Variants in PPP2R3C observed in about 807,000 individuals in gnomAD.
The protein encoded by PPP2R3C is protein phosphatase 2 regulatory subunit B''gamma.
In PPP2R3C, 47 loss-of-function variants were observed where a neutral mutation model predicts 63.7. The observed-to-expected ratio is 0.74, with a 90% CI of 0.58 to 0.94. The LOEUF (loss-of-function observed/expected upper bound fraction) is 0.94. PPP2R3C is among the 40% of genes least tolerant of loss of function. The pLI is 0.00. For synonymous variants in PPP2R3C, 180 were observed against 177.4 expected (o/e 1.01, Z -0.12); for missense variants, 421 against 518.4 (o/e 0.81, Z 1.82).
chr14:35,093,151 T>G (rs1424962645), intron 10 of PPP2R3C, among the ~76,000 whole-genome samples: 1 of 152,028 alleles, frequency 6.6e-6, no homozygotes, highest in Non-Finnish European at 1.5e-5. Context: ...AGGCGGAGCT[T>G]GCAGTGAGCC....
At chr14:35,110,831 G>A (rs2046531216) in intron 2 of PPP2R3C, 5 of 507,894 alleles carry the variant, frequency 9.8e-6, no homozygotes, top group Middle Eastern at 1.0e-3. Flanking sequence ...CCCTGAAAAA[G>A]CCATTCTAAA....
chr14:35,096,820 T>A, intron 7 of PPP2R3C, 56 bp from the exon 8 acceptor site: 1 of 1,460,170 alleles, frequency 6.8e-7, no homozygotes, highest in Non-Finnish European at 9.1e-7. Flanking sequence ...AGCAACTCAA[T>A]TAATTAAAAA....
Position 35,107,324 on chromosome 14 carries a change from G to T in PPP2R3C, c.553C>A (p.Gln185Lys). 6.2e-7 allele frequency: 1 copy of T among 1,608,440 alleles called. No individual in the cohort carries two copies. The highest frequency in any genetic ancestry group is 8.5e-7 in the Non-Finnish European group (1 of 1,174,852). ...IGLSLYDVAGQGYLRESDLEN... is the reference protein window; with the variant it reads ...IGLSLYDVAGKGYLRESDLEN... ...CTTACAGATTCCCGAAGGTACCCCTGCCCAGCGACATCATATAAACTGAGT... is the reference window on the plus strand; with the variant it reads ...CTTACAGATTCCCGAAGGTACCCCTTCCCAGCGACATCATATAAACTGAGT... The change falls in exon 6 of 13, where the codon CAG (glutamine) becomes AAG (lysine). Residue 185 changes from glutamine (Q) to lysine (K), a missense_variant. By Grantham distance (53) the Gln-to-Lys change is moderately conservative. This residue lies in a region of PPP2R3C where 47 missense variants were observed against 102.3 expected (regional missense o/e 0.46). Transcript: ENST00000261475.
intron 6 of PPP2R3C, among the ~76,000 whole-genome samples, chr14:35,103,471 C>T (rs2046258050): frequency 6.6e-6 from 1 of 152,144 alleles, no homozygotes; most frequent in Non-Finnish European, 1.5e-5. Context: ...AGTCATATTC[C>T]TGCCTAGTTT....
intron 4 of PPP2R3C, among the ~76,000 whole-genome samples, chr14:35,108,611 T>C (rs2046438810): frequency 6.6e-6 from 1 of 152,038 alleles, no homozygotes; most frequent in East Asian, 1.9e-4. Context: ...CCAGCCAATA[T>C]TTGAGGCATT....
At position 35,091,103 on chromosome 14, in the gene PPP2R3C, G is replaced by A. The variant is rs761403944; in HGVS notation, c.1080C>T (p.Tyr360=). 1 of 1,606,260 alleles carries A rather than the reference G, an allele frequency of 6.2e-7. No individual in the cohort carries two copies. The highest frequency in any genetic ancestry group is 8.5e-7 in the Non-Finnish European group (1 of 1,174,850). Reference sequence around the variant, plus strand: ...AATAATTAAGTGAAAAGACATTCAGGTATCCTTTGTTCTCAATATCAAGCA... The same window carrying A: ...AATAATTAAGTGAAAAGACATTCAGATATCCTTTGTTCTCAATATCAAGCA... ...FKLLDIENKG[Y]LNVFSLNYFF... The change falls in exon 11 of 13, where the codon TAC becomes TAT. Residue 360 remains tyrosine, a synonymous_variant. Coordinates refer to ENST00000261475, the MANE Select transcript of PPP2R3C (RefSeq NM_017917.4).
At chr14:35,105,213 G>A (rs139495825) in intron 6 of PPP2R3C, among the ~76,000 whole-genome samples, 10 of 149,034 alleles carry the variant, frequency 6.7e-5, no homozygotes, top group African/African-American at 2.2e-4. Flanking sequence ...GAGACAGTCC[G>A]CTCTTGTCAC....
chr14:35,111,161 G>C (rs2046545664), intron 2 of PPP2R3C, among the ~76,000 whole-genome samples: 1 of 149,408 alleles, frequency 6.7e-6, no homozygotes, highest in Non-Finnish European at 1.5e-5. Context: ...CTTAAACCCA[G>C]GAGGCGGAGG....
At chr14:35,108,094 C>T in intron 5 of PPP2R3C, 45 bp downstream of exon 5, 1 of 1,589,480 alleles carries the variant, frequency 6.3e-7, no homozygotes. Context: ...CAAAAACCTA[C>T]TTGATTCCCA....
At chr14:35,099,474 A>T in intron 6 of PPP2R3C, 90 bp from the exon 7 acceptor site, 3 of 1,374,464 alleles carry the variant, frequency 2.2e-6, no homozygotes, top group Non-Finnish European at 2.9e-6. Context: ...CAGCATTAAT[A>T]CTATATTGAT....
intron 1 of PPP2R3C, among the ~76,000 whole-genome samples, chr14:35,120,996 G>A (rs2046866260): frequency 6.6e-6 from 1 of 152,022 alleles, no homozygotes; most frequent in South Asian, 2.1e-4. Context: ...TTTGGGAGAT[G>A]AAAATTGAAT....
chr14:35,122,229 G>A (rs2046932912), upstream of PPP2R3C: 1 of 471,200 alleles, frequency 2.1e-6, no homozygotes, highest in East Asian at 3.5e-5. Flanking sequence ...CACCAAGCCG[G>A]ATTTTAAAGG....
chr14:35,093,211 T>TAA (rs1180345280), intron 10 of PPP2R3C, among the ~76,000 whole-genome samples: 143 of 151,752 alleles, frequency 9.4e-4, no homozygotes, highest in African/African-American at 3.3e-3. Flanking sequence ...AGACTCCATC[T>TAA]AAAACAAAAA....
In PPP2R3C at chr14:35,094,593, C is replaced by T. The variant is rs775387771; in HGVS notation, c.975+455G>A. Among the ~76,000 whole-genome samples, 15 of 150,588 alleles carry T rather than the reference C, an allele frequency of 1.0e-4. No individual in the cohort carries two copies. In the East Asian group the frequency reaches 1.4e-3, roughly 14 times the overall value. ...GCCATAATGCAGATGTTTTAATTTA[C>T]GTTAAGACCAAAGACTCTGAATCTC... On this transcript the variant is annotated intron_variant, in intron 10 of 12. Transcript: ENST00000261475.
Position 35,095,156 on chromosome 14 carries a change from G to A in PPP2R3C, c.867C>T (p.His289=), listed in dbSNP as rs1442299545. 6.2e-7 allele frequency: 1 copy of A among 1,613,572 alleles called. No homozygotes were observed. Among genetic ancestry groups the A allele is most frequent in the East Asian group, 2.2e-5 (1 of 44,880 alleles). Residue 289 remains histidine (H), a synonymous_variant, in exon 10 of 13, where the codon CAC becomes CAT. Coordinates refer to ENST00000261475, the MANE Select transcript of PPP2R3C (RefSeq NM_017917.4). The stretch of plus-strand genomic sequence containing the variant: ...GTTCTTCTTTACTGAGCATGCCATT[G>A]TGATCTTTATCAAGATTCAAGTACT... ...YGQYLNLDKD[H]NGMLSKEELS...
At chr14:35,107,587 TAC>T in intron 5 of PPP2R3C, 6 of 517,080 alleles carry the variant, frequency 1.2e-5, no homozygotes, top group Non-Finnish European at 2.1e-5. Flanking sequence ...ACCTTGAAGA[TAC>T]TGTTCTTTAC....
chr14:35,087,950 C>T lies in PPP2R3C; in HGVS notation c.1173+1G>A, dbSNP rs961808360. The stretch of plus-strand genomic sequence containing the variant: ...ATACGTAAATTAAAGGAAAAGATAA[C>T]CTTGACATCTTGAAATGAAACAGGA... On this transcript the variant is annotated splice_donor_variant, in intron 12 of 12. Coordinates refer to ENST00000261475, the MANE Select transcript of PPP2R3C (RefSeq NM_017917.4). LOFTEE classifies it high-confidence loss of function. The T allele has an allele frequency of 1.9e-6, 3 of 1,588,542 alleles. No homozygotes were observed. The highest frequency in any genetic ancestry group is 2.2e-5 in the East Asian group (1 of 44,676).
At chr14:35,111,094 G>A (rs912357571) in intron 2 of PPP2R3C, among the ~76,000 whole-genome samples, 1 of 152,014 alleles carries the variant, frequency 6.6e-6, no homozygotes, top group African/African-American at 2.4e-5. Context: ...AATTAGCTGG[G>A]CATGGTGGCA....
At chr14:35,097,825 C>G (rs953066477) in intron 7 of PPP2R3C, among the ~76,000 whole-genome samples, 7 of 151,872 alleles carry the variant, frequency 4.6e-5, no homozygotes, top group African/African-American at 1.7e-4. Context: ...CTTGCCAGGG[C>G]TGGTCTTGAA....
Sources: allele counts gnomAD v4.1 joint callset (sites outside exome capture counted in the v4.1 genomes callset), GRCh38; gene constraint gnomAD v4.1.1; regional missense constraint gnomAD v4.1.1; transcripts MANE v1.5; gene names NCBI Gene and HGNC (gene_info 2026-07-23, HGNC 2026-07-21).